INO80: variants seen among roughly 807,000 people sequenced by gnomAD.
INO80 encodes chromatin-remodeling ATPase INO80.
In INO80, 20 loss-of-function variants were observed where a neutral mutation model predicts 203.4. The ratio of observed to expected loss-of-function variants is 0.10; its 90% confidence interval spans 0.07 to 0.14. The LOEUF (loss-of-function observed/expected upper bound fraction) is 0.14, where lower values mean the gene tolerates loss of function less well. Ranked by LOEUF, INO80 falls within the 10% of genes least tolerant of loss-of-function variation. INO80 has a pLI of 1.00. For missense variants in INO80, 1,419 were observed against 1,914.4 expected (o/e 0.74, Z 4.83); for synonymous variants, 726 against 685.2 (o/e 1.06, Z -0.93).
intron 15 of INO80, among the ~76,000 whole-genome samples, 159 bp from the exon 16 acceptor site, chr15:41,058,940 T>G (rs186994301): frequency 1.3e-5 from 2 of 152,098 alleles, no homozygotes; most frequent in Non-Finnish European, 2.9e-5. Flanking sequence ...TGAACCATAC[T>G]GTGGGGTTTT....
chr15:41,078,189 C>T (rs1220897633), intron 9 of INO80, among the ~76,000 whole-genome samples: 1 of 152,124 alleles, frequency 6.6e-6, no homozygotes, highest in Non-Finnish European at 1.5e-5. Flanking sequence ...TGAGCCACCG[C>T]GCCCGGCCAA....
At chr15:41,062,526 C>G (rs1358984449) in intron 14 of INO80, among the ~76,000 whole-genome samples, 2 of 152,098 alleles carry the variant, frequency 1.3e-5, no homozygotes, top group Non-Finnish European at 2.9e-5. Flanking sequence ...GAGTGAGACT[C>G]TGTCTCCAAA....
chr15:41,102,941 C>A (rs979732249), intron 1 of INO80, among the ~76,000 whole-genome samples: 3 of 152,146 alleles, frequency 2.0e-5, no homozygotes, highest in African/African-American at 7.2e-5. Context: ...TCATCTTCTA[C>A]CAGGAATTCA....
At chr15:41,073,540 T>C (rs780708782) in intron 10 of INO80, 45 bp from the exon 11 acceptor site, 3 of 1,465,596 alleles carry the variant, frequency 2.0e-6, no homozygotes, top group Non-Finnish European at 2.9e-6. Flanking sequence ...TCAACTGATT[T>C]TGTTCTAAGA....
chr15:41,002,972 T>G lies in INO80; in HGVS notation c.3497+2621A>C, dbSNP rs535931562. Among the ~76,000 whole-genome samples the G allele has an allele frequency of 2.7e-3, 409 of 151,908 alleles. 3 individuals carry two copies. Among genetic ancestry groups the G allele is most frequent in the South Asian group, 0.013 (61 of 4,804 alleles). ...ACAAAAATACAAAAATACAAAAAAT[T>G]AGCCAGGCGTGGTGGCAGGCGCCTG... On this transcript the variant is annotated intron_variant, in intron 28 of 35. Transcript: ENST00000648947.
chr15:41,067,589 G>A (rs897605877), intron 14 of INO80, among the ~76,000 whole-genome samples: 2 of 152,098 alleles, frequency 1.3e-5, no homozygotes, highest in African/African-American at 4.8e-5. Context: ...TCCTTATACA[G>A]TTTCTACATC....
chr15:41,045,089 C>T lies in INO80; in HGVS notation c.2736-14G>A. The T allele has an allele frequency of 6.3e-7, 1 of 1,591,388 alleles. No homozygotes were observed. Among genetic ancestry groups the T allele is most frequent in the Non-Finnish European group, 8.5e-7 (1 of 1,173,328 alleles). ...AGAGCTAACCATCTGAAACAAACCACAGCAGACACGCTTATTCAGTGCTCC... is the reference window on the plus strand; with the variant it reads ...AGAGCTAACCATCTGAAACAAACCATAGCAGACACGCTTATTCAGTGCTCC... On this transcript the variant is annotated splice_polypyrimidine_tract_variant and intron_variant, in intron 23 of 35. Coordinates refer to ENST00000648947, the MANE Select transcript of INO80 (RefSeq NM_017553.3).
intron 7 of INO80, among the ~76,000 whole-genome samples, chr15:41,084,543 A>G (rs1596317643): frequency 6.6e-6 from 1 of 152,290 alleles, no homozygotes; most frequent in East Asian, 1.9e-4. Context: ...CAGGCGACAG[A>G]GCAAGACTCC....
chr15:41,007,528 T>G (rs897236743), intron 27 of INO80, among the ~76,000 whole-genome samples: 40 of 152,050 alleles, frequency 2.6e-4, no homozygotes, highest in African/African-American at 9.4e-4. Flanking sequence ...AAAGCATTGA[T>G]GAATGAATCT....
At chr15:41,105,926 G>A (rs2045874170) in intron 1 of INO80, among the ~76,000 whole-genome samples, 1 of 152,120 alleles carries the variant, frequency 6.6e-6, no homozygotes, top group Admixed American at 6.6e-5. Flanking sequence ...ATTTCTCCAA[G>A]GAGCACTAGT....
chr15:41,057,927 A>G (rs764981172), intron 16 of INO80, among the ~76,000 whole-genome samples: 1 of 152,156 alleles, frequency 6.6e-6, no homozygotes, highest in Non-Finnish European at 1.5e-5. Context: ...AGTTAATAAA[A>G]AAAATATCAA....
intron 14 of INO80, among the ~76,000 whole-genome samples, chr15:41,064,415 T>C (rs1177512485): frequency 6.6e-6 from 1 of 152,216 alleles, no homozygotes; most frequent in African/African-American, 2.4e-5. Flanking sequence ...GGTCTCGCCC[T>C]GTTGCCTAGG....
At position 41,076,453 on chromosome 15, in the gene INO80, A is replaced by G. The variant is rs2045404100; in HGVS notation, c.1132-1888T>C. Among the ~76,000 whole-genome samples, 3 of 149,192 alleles carry G rather than the reference A, an allele frequency of 2.0e-5. No individual in the cohort carries two copies. In the South Asian group the frequency reaches 6.2e-4, roughly 31 times the overall value. Reference sequence around the variant, plus strand: ...ACGAATATAGACTGAATACACATACATGTGCAAACTTTCTTTTTTTTTTTT... The same window carrying G: ...ACGAATATAGACTGAATACACATACGTGTGCAAACTTTCTTTTTTTTTTTT... On this transcript the variant is annotated intron_variant, in intron 9 of 35. Transcript: ENST00000648947.
At chr15:41,104,254 A>C (rs1475466199) in intron 1 of INO80, among the ~76,000 whole-genome samples, 2 of 151,536 alleles carry the variant, frequency 1.3e-5, no homozygotes, top group Non-Finnish European at 2.9e-5. Context: ...AATAAAATTC[A>C]TCTGACCAGA....
chr15:41,096,868 T>C (rs1031321237), intron 1 of INO80, among the ~76,000 whole-genome samples: 1 of 152,212 alleles, frequency 6.6e-6, no homozygotes, highest in Admixed American at 6.5e-5. Context: ...ATTGGCAGAG[T>C]ATTTTACTAT....
At chr15:41,047,562 G>A (rs576001899) in intron 22 of INO80, 61 bp from the exon 23 acceptor site, 1 of 1,176,650 alleles carries the variant, frequency 8.5e-7, no homozygotes, top group South Asian at 1.3e-5. Flanking sequence ...CTCAGTTAAA[G>A]CCTGCTCAAC....
At chr15:40,996,711 T>C (rs571377353) in intron 29 of INO80, among the ~76,000 whole-genome samples, 86 of 152,142 alleles carry the variant, frequency 5.7e-4, no homozygotes, top group Non-Finnish European at 1.1e-3. Context: ...TGTTGGAATA[T>C]CTTTTCTACT....
intron 28 of INO80, 128 bp from the exon 29 acceptor site, chr15:40,997,729 G>T: frequency 1.6e-6 from 1 of 639,070 alleles, no homozygotes; most frequent in East Asian, 2.9e-5. Flanking sequence ...GGTTACCTAG[G>T]CCTGACTGTA....
rs907585337 is a variant in INO80 at position 41,041,998 on chromosome 15, C to T, written c.2907+2906G>A. Among the ~76,000 whole-genome samples, 35 of 143,490 alleles carry T rather than the reference C, an allele frequency of 2.4e-4. 1 individual carries two copies. Among genetic ancestry groups the T allele is most frequent in the African/African-American group, 8.6e-4 (32 of 37,022 alleles). The allele number at this position is 143,490 out of a possible 152,430, so 94.1% of individuals were successfully genotyped here. A position where few individuals can be genotyped will look rare whatever the true frequency, so the allele number is the denominator to read the frequency against. On this transcript the variant is annotated intron_variant, in intron 24 of 35. Transcript: ENST00000648947. ...TACAGGCACCCACCACCATGCTTGG[C>T]TAATTTTTAATTTTTAATTTTTTTT... is the stretch of plus-strand genomic sequence containing the variant.
Sources: allele counts gnomAD v4.1 joint callset (sites outside exome capture counted in the v4.1 genomes callset), GRCh38; gene constraint gnomAD v4.1.1; transcripts MANE v1.5; gene names NCBI Gene and HGNC (gene_info 2026-07-23, HGNC 2026-07-21).